The following CX3CL1 variants were observed in gnomAD, a reference collection of about 807,000 sequenced individuals.
CX3CL1 encodes C-X3-C motif chemokine ligand 1, also known as fractalkine.
Under a neutral mutation model 14.1 loss-of-function variants are expected in CX3CL1, and 1 was observed. The ratio of observed to expected loss-of-function variants is 0.07; its 90% CI spans 0.03 to 0.34. CX3CL1 has a LOEUF of 0.34. CX3CL1 is among the 10% of genes least tolerant of loss of function. The probability of loss-of-function intolerance (pLI) is 0.99; values close to 1 mark genes in which losing one functional copy is unlikely to be tolerated. For synonymous variants in CX3CL1, 255 were observed against 229.6 expected (o/e 1.11, Z -1.00); for missense variants, 505 against 536.4 (o/e 0.94, Z 0.58).
chr16:57,382,506 A>C lies in CX3CL1; in HGVS notation c.668A>C (p.Asp223Ala). ...ACCTCTGAGGCCCCGTCCACCCAGG[A>C]CCCCTCCACCCAGGCCTCCACTGCG... ...AKTSEAPSTQ[D>A]PSTQASTASS... is the part of the protein sequence containing the mutation. Residue 223 changes from aspartate (D) to alanine (A), a missense_variant, in exon 3 of 3, where the codon GAC becomes GCC. Physicochemically the swap from Asp to Ala is moderately radical, Grantham distance 126. Coordinates refer to ENST00000006053, the MANE Select transcript of CX3CL1 (RefSeq NM_002996.6). The surrounding 1 kb of genome is among the most constrained non-coding windows in gnomAD (Gnocchi z 6.9). 2 of 1,613,022 alleles carry C rather than the reference A, an allele frequency of 1.2e-6. No homozygotes were observed. Among genetic ancestry groups the C allele is most frequent in the Non-Finnish European group, 8.5e-7 (1 of 1,179,808 alleles).
Position 57,382,607 on chromosome 16 carries a change from G to C in CX3CL1, c.769G>C (p.Glu257Gln). The change falls in exon 3 of 3, where the codon GAG (glutamate) becomes CAG (glutamine). Residue 257 changes from glutamate to glutamine, a missense_variant. Glu to Gln is a conservative substitution (Grantham distance 29, BLOSUM62 2). Transcript: ENST00000006053. The surrounding 1 kb of genome is among the most constrained non-coding windows in gnomAD (Gnocchi z 6.9). ...VWGQGQSPRP[E>Q]NSLEREEMGP... ...GGGTCAGGGACAGAGCCCCAGGCCA[G>C]AGAACTCTCTGGAGCGGGAGGAGAT... is the stretch of plus-strand genomic sequence containing the variant. 6.2e-7 allele frequency: 1 copy of C among 1,613,976 alleles called. No individual in the cohort carries two copies. The highest frequency in any genetic ancestry group is 8.5e-7 in the Non-Finnish European group (1 of 1,179,896).
intron 1 of CX3CL1, among the ~76,000 whole-genome samples, chr16:57,375,816 T>G (rs1437603186): frequency 6.6e-6 from 1 of 152,206 alleles, no homozygotes; most frequent in Admixed American, 6.5e-5. Flanking sequence ...CCTGACCATT[T>G]GAAGTTGGAA....
At chr16:57,378,166 C>T (rs1040561365) in intron 1 of CX3CL1, 1 of 152,218 alleles carries the variant, frequency 6.6e-6, no homozygotes, top group Non-Finnish European at 1.5e-5. Context: ...CAACTGCTCT[C>T]GGGCTCATTC....
At chr16:57,377,025 C>T (rs1163977009) in intron 1 of CX3CL1, 3 of 152,154 alleles carry the variant, frequency 2.0e-5, no homozygotes, top group African/African-American at 4.8e-5. Context: ...AGAACTGAGC[C>T]GGGCCAGGAC....
In CX3CL1 at chr16:57,382,063, C is replaced by T. The variant is rs751077501; in HGVS notation, c.225C>T (p.Ala75=). 23 of 1,603,920 alleles carry T rather than the reference C, an allele frequency of 1.4e-5. No homozygotes were observed. Among genetic ancestry groups the T allele is most frequent in the Admixed American group, 3.4e-5 (2 of 59,648 alleles). ...CGAGACAGCACAGGCTGTTCTGTGC[C>T]GACCCGAAGGAGCAATGGGTCAAGG... ...LETRQHRLFC[A]DPKEQWVKDA... The change falls in exon 3 of 3, where the codon GCC becomes GCT. Residue 75 remains alanine, a synonymous_variant. Transcript: ENST00000006053. This position sits in a 1 kb window ranked among gnomAD's most constrained non-coding sequence, Gnocchi z 6.9.
chr16:57,372,785 G>C (rs774177382), intron 1 of CX3CL1, 147 bp downstream of exon 1: 1 of 733,126 alleles, frequency 1.4e-6, no homozygotes, highest in South Asian at 1.8e-5. Context: ...GTGCGAGAGG[G>C]GGCTGGGCAC....
chr16:57,382,420 C>T lies in CX3CL1; in HGVS notation c.582C>T (p.Ala194=), dbSNP rs1004864770. 25 of 1,612,628 alleles carry T rather than the reference C, an allele frequency of 1.6e-5. No homozygotes were observed. The highest frequency in any genetic ancestry group is 1.3e-4 in the African/African-American group (10 of 74,910). ...TCCGAGTGCCTCCCGTCTCCACTGC[C>T]GCCACGTGGCAGAGTTCTGCTCCCC... ...ELFRVPPVST[A]ATWQSSAPHQ... The change falls in exon 3 of 3, where the codon GCC becomes GCT. Residue 194 remains alanine (A), a synonymous_variant. Transcript: ENST00000006053. The surrounding 1 kb of genome is among the most constrained non-coding windows in gnomAD (Gnocchi z 6.9).
At chr16:57,373,761 G>A (rs1188893096) in intron 1 of CX3CL1, among the ~76,000 whole-genome samples, 1 of 152,216 alleles carries the variant, frequency 6.6e-6, no homozygotes, top group Non-Finnish European at 1.5e-5. Flanking sequence ...CAGGGAGTCA[G>A]ATGGCGGCTG....
chr16:57,372,691 G>A lies in CX3CL1; in HGVS notation c.70+53G>A, dbSNP rs1383072415. The A allele has an allele frequency of 2.5e-6, 4 of 1,587,468 alleles. No individual in the cohort carries two copies. In the East Asian group the frequency reaches 6.7e-5, roughly 27 times the overall value. ...CAGGGTAGGGAGCCCCCAGCCCCTT[G>A]TCTATCCCTCAAGCCTGACATCAGG... On this transcript the variant is annotated intron_variant, in intron 1 of 2. Transcript: ENST00000006053.
chr16:57,375,993 C>G (rs759103423), intron 1 of CX3CL1, among the ~76,000 whole-genome samples: 44 of 152,214 alleles, frequency 2.9e-4, no homozygotes, highest in Non-Finnish European at 2.2e-4. Flanking sequence ...TTTAGCCTCT[C>G]TTATTTCCAG....
chr16:57,383,212 T>G lies in CX3CL1; in HGVS notation c.*180T>G. 1 of 485,178 alleles carries G rather than the reference T, an allele frequency of 2.1e-6. No individual in the cohort carries two copies. Among genetic ancestry groups the G allele is most frequent in the Non-Finnish European group, 3.3e-6 (1 of 302,900 alleles). The allele number at this position is 485,178 out of a possible 1,614,324, so 30.1% of individuals were successfully genotyped here. ...TTCCCCAGGAGGCCAGCCTTGACCA[T>G]TCTCCACCTGCCAGGGACAGAGGGG... is the stretch of plus-strand genomic sequence containing the variant. On this transcript the variant is annotated 3_prime_UTR_variant, in exon 3 of 3. Coordinates refer to ENST00000006053, the MANE Select transcript of CX3CL1 (RefSeq NM_002996.6).
chr16:57,380,667 G>A (rs576272071), intron 2 of CX3CL1, among the ~76,000 whole-genome samples: 1,701 of 152,142 alleles, frequency 0.011, 16 homozygotes, highest in Middle Eastern at 0.061. Flanking sequence ...CGACCATTTC[G>A]AGACTTTGGG....
Position 57,384,365 on chromosome 16 carries a change from A to C in CX3CL1, c.*1333A>C, listed in dbSNP as rs2239353. 0.01 allele frequency: 1,535 copies of C among 152,436 alleles called. 61 individuals carry two copies. The South Asian group carries it at 0.11, about 10-fold the overall frequency. 9.4% of individuals were successfully genotyped at this position (152,436 alleles called of 1,614,324 possible). On this transcript the variant is annotated 3_prime_UTR_variant, in exon 3 of 3. Coordinates refer to ENST00000006053, the MANE Select transcript of CX3CL1 (RefSeq NM_002996.6). Reference sequence around the variant, plus strand: ...TTTCTGAAAGGGACGCTACCCGGGAAGGGGGCTGGGACATGGGAAAGGGGA... The same window carrying C: ...TTTCTGAAAGGGACGCTACCCGGGACGGGGGCTGGGACATGGGAAAGGGGA...
chr16:57,382,513 C>T lies in CX3CL1; in HGVS notation c.675C>T (p.Ser225=). ...TSEAPSTQDP[S]TQASTASSPA... ...AGGCCCCGTCCACCCAGGACCCCTC[C>T]ACCCAGGCCTCCACTGCGTCCTCCC... Residue 225 remains serine, a synonymous_variant, in exon 3 of 3, where the codon TCC becomes TCT. Coordinates refer to ENST00000006053, the MANE Select transcript of CX3CL1 (RefSeq NM_002996.6). This position sits in a 1 kb window ranked among gnomAD's most constrained non-coding sequence, Gnocchi z 6.9. 6.2e-7 allele frequency: 1 copy of T among 1,613,416 alleles called. No individual in the cohort carries two copies. The highest frequency in any genetic ancestry group is 1.3e-5 in the African/African-American group (1 of 75,050).
In CX3CL1 at chr16:57,384,307, T is replaced by C. The variant is rs554494485; in HGVS notation, c.*1275T>C. On this transcript the variant is annotated 3_prime_UTR_variant, in exon 3 of 3. Transcript: ENST00000006053. Reference sequence around the variant, plus strand: ...TCCCCACCGCAGACAGGACCAGGGATTTCCATGATGTTTTCCATGAGTCCC... The same window carrying C: ...TCCCCACCGCAGACAGGACCAGGGACTTCCATGATGTTTTCCATGAGTCCC... 1 of 152,268 alleles carries C rather than the reference T, an allele frequency of 6.6e-6. No homozygotes were observed. The highest frequency in any genetic ancestry group is 1.5e-5 in the Non-Finnish European group (1 of 68,124). 9.4% of individuals were successfully genotyped at this position (152,268 alleles called of 1,614,324 possible). A position where few individuals can be genotyped will look rare whatever the true frequency, so the allele number is the denominator to read the frequency against.
In CX3CL1 at chr16:57,383,121, T is replaced by A. The variant is rs961804409; in HGVS notation, c.*89T>A. The A allele has an allele frequency of 1.7e-6, 2 of 1,203,224 alleles. No individual in the cohort carries two copies. The highest frequency in any genetic ancestry group is 2.2e-6 in the Non-Finnish European group (2 of 924,452). 74.5% of individuals were successfully genotyped at this position (1,203,224 alleles called of 1,614,324 possible). A position where few individuals can be genotyped will look rare whatever the true frequency, so the allele number is the denominator to read the frequency against. ...CCCACCCCCACCCAAGGGCCTGGCC[T>A]GAGCTGGGATGATTGGAGGGGGGAG... On this transcript the variant is annotated 3_prime_UTR_variant, in exon 3 of 3. Coordinates refer to ENST00000006053, the MANE Select transcript of CX3CL1 (RefSeq NM_002996.6).
chr16:57,380,132 G>A (rs1273022726), intron 2 of CX3CL1, among the ~76,000 whole-genome samples: 1 of 152,168 alleles, frequency 6.6e-6, no homozygotes, highest in Non-Finnish European at 1.5e-5. Flanking sequence ...TTAAAATGCA[G>A]GTTCCAGACT....
chr16:57,377,665 G>A (rs1902263375), intron 1 of CX3CL1: 1 of 152,206 alleles, frequency 6.6e-6, no homozygotes, highest in Admixed American at 6.5e-5. Context: ...TTATGCATGA[G>A]CAGTTCGTGT....
chr16:57,384,795 C>T lies in CX3CL1; in HGVS notation c.*1763C>T, dbSNP rs1334966701. ...CCCAATGCACTTTGTTCTGGCTCTT[C>T]CAGGCTGGGAGAGCCTTCCAGGGGT... On this transcript the variant is annotated 3_prime_UTR_variant, in exon 3 of 3. Coordinates refer to ENST00000006053, the MANE Select transcript of CX3CL1 (RefSeq NM_002996.6). 6.6e-6 allele frequency: 1 copy of T among 152,282 alleles called. No homozygotes were observed. Among genetic ancestry groups the T allele is most frequent in the African/African-American group, 2.4e-5 (1 of 41,470 alleles). The allele number at this position is 152,282 out of a possible 1,614,324, so 9.4% of individuals were successfully genotyped here. A position where few individuals can be genotyped will look rare whatever the true frequency, so the allele number is the denominator to read the frequency against.
Sources: gnomAD v4.1 joint callset for allele counts (sites outside exome capture counted in the v4.1 genomes callset) on GRCh38, gnomAD v4.1.1 for gene constraint, Gnocchi (gnomAD v3.1) non-coding constraint, MANE v1.5 for transcripts, NCBI Gene and HGNC (gene_info 2026-07-23, HGNC 2026-07-21) for gene names.